TFDP2: variants seen among roughly 807,000 people sequenced by gnomAD.
TFDP2 encodes transcription factor Dp-2, also known as transcription factor Dp-2 (E2F dimerization partner 2).
A neutral mutation model predicts 59.3 loss-of-function variants in TFDP2; 17 were observed. The ratio of observed to expected loss-of-function variants is 0.29; its 90% CI spans 0.20 to 0.43. TFDP2 has a LOEUF of 0.43. Among genes scored for constraint, TFDP2 ranks in the 20% least tolerant of loss-of-function variants. The probability of loss-of-function intolerance (pLI) is 1.00; values close to 1 mark genes in which losing one functional copy is unlikely to be tolerated. For synonymous variants in TFDP2, 180 were observed against 194.7 expected (o/e 0.92, Z 0.63); for missense variants, 391 against 528.8 (o/e 0.74, Z 2.56).
At chr3:141,988,658 T>C (rs1372803245) in intron 6 of TFDP2, among the ~76,000 whole-genome samples, 2 of 127,552 alleles carry the variant, frequency 1.6e-5, no homozygotes, top group Non-Finnish European at 3.4e-5. Flanking sequence ...TTTTTAGCAA[T>C]CTTTTCTTTT....
chr3:142,049,227 ATT>A (rs1008205132), intron 3 of TFDP2, among the ~76,000 whole-genome samples: 1 of 152,194 alleles, frequency 6.6e-6, no homozygotes, highest in Non-Finnish European at 1.5e-5. Flanking sequence ...TCTAAATGAA[ATT>A]TTAGCTAACT....
At chr3:142,125,045 A>T (rs1052175733) in intron 1 of TFDP2, among the ~76,000 whole-genome samples, 74 of 151,670 alleles carry the variant, frequency 4.9e-4, no homozygotes, top group Admixed American at 2.4e-3. Context: ...AAAAAAAAAA[A>T]TTTTTTTTAA....
At chr3:141,985,519 CAAAAAAAAAAA>C (rs61684289) in intron 6 of TFDP2, among the ~76,000 whole-genome samples, 9 of 74,428 alleles carry the variant, frequency 1.2e-4, no homozygotes, top group African/African-American at 4.5e-4. Flanking sequence ...GACGCTGTCT[CAAAAAAAAAAA>C]AAAAAAAAAA....
rs1264054604 is a variant in TFDP2 at position 141,973,119 on chromosome 3, A to T, written c.663+929T>A. The stretch of plus-strand genomic sequence containing the variant: ...TATATATATATATATATATATATAT[A>T]TATATTTTTTTTTTTTAAAGATGGA... On this transcript the variant is annotated intron_variant, in intron 8 of 12. Coordinates refer to ENST00000489671, the MANE Select transcript of TFDP2 (RefSeq NM_001178139.2). Among the ~76,000 whole-genome samples the T allele has an allele frequency of 3.3e-3, 249 of 74,868 alleles. 1 individual carries two copies. Among genetic ancestry groups the T allele is most frequent in the South Asian group, 0.017 (41 of 2,422 alleles). The allele number at this position is 74,868 out of a possible 152,430, so 49.1% of individuals were successfully genotyped here.
intron 1 of TFDP2, among the ~76,000 whole-genome samples, chr3:142,105,571 T>C (rs993172740): frequency 1.3e-5 from 2 of 152,164 alleles, no homozygotes; most frequent in African/African-American, 4.8e-5. Context: ...TTATATTTCC[T>C]AAGGGCTGGG....
chr3:141,981,217 T>A (rs916792479), intron 6 of TFDP2, among the ~76,000 whole-genome samples: 1 of 152,236 alleles, frequency 6.6e-6, no homozygotes, highest in African/African-American at 2.4e-5. Context: ...ATCACTGTGT[T>A]ACAATGACCT....
chr3:142,007,819 G>A (rs139428125), intron 3 of TFDP2, among the ~76,000 whole-genome samples: 1,891 of 152,176 alleles, frequency 0.012, 20 homozygotes, highest in Non-Finnish European at 0.017. Flanking sequence ...ATCTAATGCC[G>A]CTGCTGATCT....
intron 3 of TFDP2, among the ~76,000 whole-genome samples, chr3:142,043,332 C>T (rs1321401398): frequency 6.6e-6 from 1 of 151,920 alleles, no homozygotes; most frequent in East Asian, 2.0e-4. Context: ...CAGGCGTGAG[C>T]CACCGCGCCC....
chr3:142,023,511 G>A (rs1362010203), intron 3 of TFDP2, among the ~76,000 whole-genome samples: 1 of 152,030 alleles, frequency 6.6e-6, no homozygotes, highest in African/African-American at 2.4e-5. Context: ...TAAAATAAAC[G>A]TAAAACTTTA....
chr3:141,984,245 T>C (rs1179799815), intron 6 of TFDP2, among the ~76,000 whole-genome samples: 2 of 152,216 alleles, frequency 1.3e-5, no homozygotes, highest in Admixed American at 6.5e-5. Context: ...CTCACACCTG[T>C]AATCCCAGCA....
chr3:142,112,779 C>T (rs1430837214), intron 1 of TFDP2, among the ~76,000 whole-genome samples: 8 of 152,176 alleles, frequency 5.3e-5, no homozygotes. Context: ...TCTCAGCCTC[C>T]TGAGTAGCTG....
rs2063298109 is a variant in TFDP2, at chr3:142,149,203, CTG to C, written c.-115_-114del. The C allele has an allele frequency of 2.5e-6, 1 of 397,704 alleles. No individual in the cohort carries two copies. The highest frequency in any genetic ancestry group is 4.4e-5 in the Admixed American group (1 of 22,696). The allele number at this position is 397,704 out of a possible 1,614,324, so 24.6% of individuals were successfully genotyped here. A position where few individuals can be genotyped will look rare whatever the true frequency, so the allele number is the denominator to read the frequency against. On this transcript the variant is annotated 5_prime_UTR_variant, in exon 1 of 13. Transcript: ENST00000489671. Reference sequence around the variant, plus strand: ...CTTACCGCCTTCGGCTGCAGAAGAACTGGCGGCCAAGCGAGGCTGTCGGGCCG... The same window carrying C: ...CTTACCGCCTTCGGCTGCAGAAGAACGCGGCCAAGCGAGGCTGTCGGGCCG...
intron 1 of TFDP2, among the ~76,000 whole-genome samples, chr3:142,126,870 C>T (rs2062274456): frequency 6.7e-6 from 1 of 150,170 alleles, no homozygotes; most frequent in Admixed American, 6.6e-5. Context: ...CGCTTGAACC[C>T]GGAAGGCGGA....
intron 3 of TFDP2, among the ~76,000 whole-genome samples, chr3:142,033,973 G>A (rs1238804404): frequency 2.6e-5 from 4 of 152,020 alleles, no homozygotes; most frequent in African/African-American, 7.2e-5. Flanking sequence ...TTCAAATGCA[G>A]AGATTGTTCC....
At chr3:141,957,337 T>C (rs1936813245) in intron 11 of TFDP2, among the ~76,000 whole-genome samples, 1 of 152,122 alleles carries the variant, frequency 6.6e-6, no homozygotes, top group Non-Finnish European at 1.5e-5. Context: ...AGTAAGGATG[T>C]GGAGAAATTG....
chr3:142,090,007 A>C (rs544247593), intron 3 of TFDP2, among the ~76,000 whole-genome samples: 9 of 152,230 alleles, frequency 5.9e-5, no homozygotes, highest in Admixed American at 1.3e-4. Context: ...TCTACATCTC[A>C]CTTCCAATAC....
chr3:141,990,318 A>G (rs561234962), intron 6 of TFDP2, among the ~76,000 whole-genome samples: 1 of 151,024 alleles, frequency 6.6e-6, no homozygotes, highest in African/African-American at 2.4e-5. Context: ...CCTGTTGCCC[A>G]AAATGGAGTG....
intron 3 of TFDP2, among the ~76,000 whole-genome samples, chr3:142,006,260 A>G (rs1171456123): frequency 6.6e-6 from 1 of 152,142 alleles, no homozygotes; most frequent in Non-Finnish European, 1.5e-5. Flanking sequence ...AACAAACTTC[A>G]GCTTATCAAT....
At chr3:142,010,648 A>G (rs1247274776) in intron 3 of TFDP2, among the ~76,000 whole-genome samples, 2 of 150,958 alleles carry the variant, frequency 1.3e-5, no homozygotes, top group Admixed American at 6.6e-5. Context: ...CAGAGTGAAC[A>G]GGCAACCTAC....
Sources: gnomAD v4.1 joint callset for allele counts (sites outside exome capture counted in the v4.1 genomes callset) on GRCh38, gnomAD v4.1.1 for gene constraint, MANE v1.5 for transcripts, NCBI Gene and HGNC (gene_info 2026-07-23, HGNC 2026-07-21) for gene names.